The following DMD variants were observed in gnomAD, a reference collection of about 807,000 sequenced individuals.
DMD encodes the protein dystrophin, also known as mutant dystrophin.
In DMD, 63 loss-of-function variants were observed where a neutral mutation model predicts 330.1. That is an observed-to-expected ratio of 0.19 (90% CI 0.16 to 0.24). DMD has a LOEUF of 0.24. DMD is among the 10% of genes least tolerant of loss of function. The pLI is 1.00. For synonymous variants in DMD, 1,223 were observed against 959.8 expected, an observed-to-expected ratio of 1.27 and a Z score of -5.07; for missense variants, 3,344 against 2,684.1, an observed-to-expected ratio of 1.25 and a Z score of -5.43.
At chrX:31,416,971 T>G (rs1370828318) in intron 60 of DMD, among the ~76,000 whole-genome samples, 5 of 112,183 alleles carry the variant, frequency 4.5e-5, no homozygotes, top group Non-Finnish European at 9.4e-5. Context: ...TGAAATAAAG[T>G]GGTCGTTTCA....
chrX:32,961,378 T>G (rs754973527), intron 2 of DMD, among the ~76,000 whole-genome samples: 1 of 111,308 alleles, frequency 9.0e-6, no homozygotes, highest in Admixed American at 9.7e-5. Context: ...CACTGCTATT[T>G]TTTTTTAAAC....
At chrX:31,694,963 T>C (rs904028804) in intron 52 of DMD, among the ~76,000 whole-genome samples, 2 of 110,767 alleles carry the variant, frequency 1.8e-5, no homozygotes, top group African/African-American at 3.3e-5. Flanking sequence ...AAGAGCTATC[T>C]GCACTCTCAC....
intron 19 of DMD, among the ~76,000 whole-genome samples, chrX:32,499,498 A>G (rs766856246): frequency 3.0e-4 from 33 of 111,713 alleles, no homozygotes; most frequent in Admixed American, 8.6e-4. Context: ...AGGAACAGCC[A>G]TTTACATGAG....
At chrX:32,650,677 C>T (rs1212385365) in intron 9 of DMD, among the ~76,000 whole-genome samples, 1 of 112,014 alleles carries the variant, frequency 8.9e-6, no homozygotes, top group African/African-American at 3.2e-5. Flanking sequence ...ACATGACATT[C>T]AACCTAATGA....
intron 11 of DMD, among the ~76,000 whole-genome samples, chrX:32,636,170 C>T (rs1003519739): frequency 8.9e-6 from 1 of 112,224 alleles, no homozygotes; most frequent in Admixed American, 9.5e-5. Flanking sequence ...TCATTCTCCT[C>T]TTTACAGCAC....
Position 32,348,397 on chromosome X carries a change from C to G in DMD, c.5448+9G>C. On this transcript the variant is annotated intron_variant, in intron 38 of 78. Coordinates refer to ENST00000357033, the MANE Select transcript of DMD (RefSeq NM_004006.3). ...TAGTTCATTCACACTTTTATCACAA[C>G]CAATTTACCATATCTTTATTGAAGT... The G allele has an allele frequency of 3.3e-6, 4 of 1,206,125 alleles. No homozygotes were observed. The Admixed American group carries it at 8.7e-5, about 26-fold the overall frequency.
chrX:31,393,064 A>G (rs2060749271), intron 60 of DMD, among the ~76,000 whole-genome samples: 1 of 112,605 alleles, frequency 8.9e-6, no homozygotes, highest in Non-Finnish European at 1.9e-5. Context: ...AAATTTTAAT[A>G]TGGAAAGCAG....
At chrX:32,646,361 C>A (rs1016842064) in intron 9 of DMD, among the ~76,000 whole-genome samples, 2 of 111,314 alleles carry the variant, frequency 1.8e-5, no homozygotes, top group Non-Finnish European at 3.8e-5. Context: ...AGAACATGCT[C>A]AAGAGGGACT....
intron 18 of DMD, among the ~76,000 whole-genome samples, chrX:32,510,561 C>T (rs1399811521): frequency 8.9e-6 from 1 of 111,817 alleles, no homozygotes; most frequent in Non-Finnish European, 1.9e-5. Flanking sequence ...TATCCCAAGT[C>T]TCCATGAAAG....
At chrX:31,714,058 T>G (rs2084844021) in intron 52 of DMD, among the ~76,000 whole-genome samples, 1 of 111,678 alleles carries the variant, frequency 9.0e-6, no homozygotes, top group African/African-American at 3.2e-5. Flanking sequence ...TAAAAAAAAG[T>G]CATCAGTCTC....
At chrX:33,140,210 G>A (rs184291870) in intron 1 of DMD, among the ~76,000 whole-genome samples, 48 of 112,260 alleles carry the variant, frequency 4.3e-4, no homozygotes, top group Non-Finnish European at 1.3e-4. Flanking sequence ...TGCCCAGCAA[G>A]TACATTGCCA....
intron 1 of DMD, among the ~76,000 whole-genome samples, chrX:33,089,825 A>G (rs1366376551): frequency 2.7e-5 from 3 of 111,450 alleles, no homozygotes; most frequent in Non-Finnish European, 3.8e-5. Flanking sequence ...AAAAAAAAGA[A>G]GCCTCTCGGG....
At chrX:32,510,958 A>T (rs2045233599) in intron 18 of DMD, among the ~76,000 whole-genome samples, 1 of 109,390 alleles carries the variant, frequency 9.1e-6, no homozygotes, top group African/African-American at 3.3e-5. Flanking sequence ...CATGGCTCTG[A>T]TCTTCCACCT....
chrX:31,341,007 C>T (rs1034753555), intron 61 of DMD, among the ~76,000 whole-genome samples: 1 of 111,860 alleles, frequency 8.9e-6, no homozygotes, highest in Admixed American at 9.5e-5. Flanking sequence ...CAGATTAGAT[C>T]CTTGGAAATC....
chrX:31,160,379 T>C (rs1263438341), intron 74 of DMD, among the ~76,000 whole-genome samples: 9 of 111,461 alleles, frequency 8.1e-5, no homozygotes, highest in Admixed American at 7.6e-4. Flanking sequence ...AAGTTACTTT[T>C]GTGCGAAAAA....
At chrX:31,629,258 T>G (rs2067357860) in intron 54 of DMD, among the ~76,000 whole-genome samples, 1 of 111,766 alleles carries the variant, frequency 8.9e-6, no homozygotes, top group Admixed American at 9.5e-5. Flanking sequence ...AGCAGCAACT[T>G]TATCATGGGA....
intron 52 of DMD, among the ~76,000 whole-genome samples, chrX:31,725,201 C>G (rs2085928680): frequency 9.2e-6 from 1 of 108,699 alleles, no homozygotes. Context: ...CTCTCCGAGT[C>G]TCGGTTTTCT....
At chrX:33,000,619 G>C (rs1274588779) in intron 2 of DMD, among the ~76,000 whole-genome samples, 1 of 112,063 alleles carries the variant, frequency 8.9e-6, no homozygotes, top group Non-Finnish European at 1.9e-5. Flanking sequence ...CACCTGAATA[G>C]TGGCTATCCC....
chrX:32,181,544 T>C (rs1044251754), intron 44 of DMD, among the ~76,000 whole-genome samples: 2 of 111,936 alleles, frequency 1.8e-5, no homozygotes, highest in African/African-American at 6.5e-5. Flanking sequence ...ATATAGTTTT[T>C]TTATGAACAA....
Sources: allele counts gnomAD v4.1 joint callset (sites outside exome capture counted in the v4.1 genomes callset), GRCh38; gene constraint gnomAD v4.1.1; transcripts MANE v1.5; gene names NCBI Gene and HGNC (gene_info 2026-07-23, HGNC 2026-07-21).